The following TPRG1 variants were observed in gnomAD, a reference collection of about 807,000 sequenced individuals.
TPRG1 encodes tumor protein p63-regulated gene 1 protein.
TPRG1 carries 29 observed loss-of-function variants against 29.3 expected under a neutral mutation model. The observed-to-expected ratio is 0.99, with a 90% CI of 0.74 to 1.35. The LOEUF (loss-of-function observed/expected upper bound fraction) is 1.35, where lower values mean the gene tolerates loss of function less well. Among genes scored for constraint, TPRG1 ranks in the 40% most tolerant of loss-of-function variants. TPRG1 has a pLI of 0.00. For missense variants in TPRG1, 327 were observed against 335.0 expected (o/e 0.98, Z 0.19); for synonymous variants, 130 against 116.8 (o/e 1.11, Z -0.73).
intron 3 of TPRG1, among the ~76,000 whole-genome samples, chr3:189,237,193 A>G (rs961244786): frequency 8.5e-5 from 13 of 152,280 alleles, no homozygotes; most frequent in Admixed American, 2.6e-4. Flanking sequence ...CTCAATAGAT[A>G]TGTATTTACT....
chr3:189,134,937 G>C (rs534098917), intron 3 of TPRG1, among the ~76,000 whole-genome samples: 4 of 152,170 alleles, frequency 2.6e-5, no homozygotes, highest in Non-Finnish European at 5.9e-5. Context: ...TGAATATGCT[G>C]TGGCTTTATT....
chr3:189,253,039 T>C (rs575661726), intron 4 of TPRG1, among the ~76,000 whole-genome samples: 1 of 152,224 alleles, frequency 6.6e-6, no homozygotes, highest in South Asian at 2.1e-4. Flanking sequence ...TCAACCTATA[T>C]TTTCTTTTCC....
chr3:189,217,416 C>G (rs1736238292), intron 3 of TPRG1, among the ~76,000 whole-genome samples: 2 of 152,162 alleles, frequency 1.3e-5, no homozygotes, highest in South Asian at 4.1e-4. Flanking sequence ...GTCCTGCATA[C>G]ACATAATTTC....
upstream of TPRG1, among the ~76,000 whole-genome samples, chr3:189,098,928 G>A (rs1718881037): frequency 6.6e-6 from 1 of 152,118 alleles, no homozygotes; most frequent in South Asian, 2.1e-4. Context: ...AGAACAGGTG[G>A]AAAATCAGAA....
intron 1 of TPRG1, chr3:189,207,041 C>A: frequency 2.6e-6 from 1 of 379,310 alleles, no homozygotes; most frequent in Non-Finnish European, 3.6e-6. Context: ...AATTTTCAAC[C>A]AAAAATGCTA....
intron 4 of TPRG1, among the ~76,000 whole-genome samples, chr3:189,309,023 C>G (rs1303255425): frequency 6.1e-5 from 2 of 32,874 alleles, no homozygotes; most frequent in Admixed American, 3.9e-4. Context: ...TTTTTCTTTA[C>G]TCTGTCTTTT....
At chr3:189,226,443 C>G (rs1253256246) in intron 3 of TPRG1, among the ~76,000 whole-genome samples, 3 of 151,988 alleles carry the variant, frequency 2.0e-5, no homozygotes, top group Non-Finnish European at 4.4e-5. Flanking sequence ...GTGGGAATCT[C>G]AAAGGAAATA....
intron 1 of TPRG1, among the ~76,000 whole-genome samples, chr3:189,176,380 T>G (rs1381665567): frequency 6.6e-6 from 1 of 152,232 alleles, no homozygotes; most frequent in Non-Finnish European, 1.5e-5. Context: ...CTATTGAATA[T>G]CTGTTTTAAG....
chr3:189,200,963 T>C (rs1213793049), intron 1 of TPRG1, among the ~76,000 whole-genome samples: 1 of 152,164 alleles, frequency 6.6e-6, no homozygotes. Context: ...TTATAAAAAA[T>C]CTGGAGGAAA....
At chr3:189,090,708 C>T (rs1235077641) in intron 4 of TPRG1, among the ~76,000 whole-genome samples, 1 of 151,944 alleles carries the variant, frequency 6.6e-6, no homozygotes, top group Non-Finnish European at 1.5e-5. Context: ...CTATTTTCAA[C>T]ATTTACCCTA....
intron 4 of TPRG1, among the ~76,000 whole-genome samples, chr3:189,054,709 G>A (rs909406066): frequency 1.3e-5 from 2 of 151,972 alleles, no homozygotes; most frequent in African/African-American, 2.4e-5. Flanking sequence ...TTGAGCCCAG[G>A]GTAGAGGTTA....
intron 4 of TPRG1, among the ~76,000 whole-genome samples, chr3:189,036,193 T>G (rs566981420): frequency 6.6e-6 from 1 of 152,112 alleles, no homozygotes; most frequent in Non-Finnish European, 1.5e-5. Flanking sequence ...TTCTCATTTG[T>G]AAGTGGGAGC....
At chr3:189,221,091 A>G (rs1736874069) in intron 3 of TPRG1, among the ~76,000 whole-genome samples, 1 of 152,218 alleles carries the variant, frequency 6.6e-6, no homozygotes. Flanking sequence ...CCAAGTAAGA[A>G]ATATGTATCA....
At chr3:189,241,542 G>T (rs1740593211) in intron 4 of TPRG1, among the ~76,000 whole-genome samples, 1 of 151,710 alleles carries the variant, frequency 6.6e-6, no homozygotes, top group Non-Finnish European at 1.5e-5. Flanking sequence ...ATTTTTCCCA[G>T]TTTGTCATAT....
chr3:189,319,175 T>G (rs1479362077), intron 5 of TPRG1, among the ~76,000 whole-genome samples: 1 of 152,170 alleles, frequency 6.6e-6, no homozygotes, highest in Non-Finnish European at 1.5e-5. Context: ...TAACTTCACT[T>G]TATGAATATC....
At chr3:189,017,567 T>C (rs2152123818) in intron 3 of TPRG1, among the ~76,000 whole-genome samples, 1 of 152,328 alleles carries the variant, frequency 6.6e-6, no homozygotes, top group East Asian at 1.9e-4. Context: ...ACTCATCATT[T>C]TTTATGGCTG....
chr3:189,082,858 A>C (rs1438412965), intron 4 of TPRG1, among the ~76,000 whole-genome samples: 1 of 152,166 alleles, frequency 6.6e-6, no homozygotes, highest in Non-Finnish European at 1.5e-5. Flanking sequence ...ACTCATGCAC[A>C]CTCAAGAACG....
rs1341724493 is a variant in TPRG1 at position 189,103,803 on chromosome 3, C to T, written c.-744+3599C>T. ...ATCCAGCCTCTGTCTTGTGTCTCTG[C>T]TGTTTCTCATCATGTCAGCTTCATC... On this transcript the variant is annotated intron_variant, in intron 1 of 6. Transcript: ENST00000412373. 2.6e-5 allele frequency among the ~76,000 whole-genome samples: 4 copies of T among 152,162 alleles called. No homozygotes were observed. In the East Asian group the frequency reaches 7.7e-4, roughly 29 times the overall value.
chr3:189,148,340 T>G (rs530898137), intron 4 of TPRG1, among the ~76,000 whole-genome samples: 1 of 152,162 alleles, frequency 6.6e-6, no homozygotes, highest in Admixed American at 6.5e-5. Context: ...GGGCTCACAG[T>G]CTAATGGAAG....
Sources: gnomAD v4.1 joint callset for allele counts (sites outside exome capture counted in the v4.1 genomes callset) on GRCh38, gnomAD v4.1.1 for gene constraint, MANE v1.5 for transcripts, NCBI Gene and HGNC (gene_info 2026-07-23, HGNC 2026-07-21) for gene names.